The following CNTNAP2 variants were observed in gnomAD, a reference collection of about 807,000 sequenced individuals.
CNTNAP2 encodes the protein contactin associated protein 2, also known as contactin-associated protein-like 2.
CNTNAP2 carries 98 observed loss-of-function variants against 155.2 expected under a neutral mutation model. That is an observed-to-expected ratio of 0.63 (90% CI 0.54 to 0.75). CNTNAP2 has a LOEUF of 0.75. CNTNAP2 is among the 30% of genes least tolerant of loss of function. The pLI is 0.00. For synonymous variants in CNTNAP2, 651 were observed against 631.2 expected (o/e 1.03, Z -0.47); for missense variants, 1,727 against 1,688.1 (o/e 1.02, Z -0.40).
At chr7:148,009,376 A>C (rs2116903225) in intron 15 of CNTNAP2, among the ~76,000 whole-genome samples, 1 of 152,336 alleles carries the variant, frequency 6.6e-6, no homozygotes, top group Non-Finnish European at 1.5e-5. Context: ...ACCTTCCTAA[A>C]GTACAACAAT....
chr7:146,823,832 T>C (rs192478187), intron 2 of CNTNAP2, among the ~76,000 whole-genome samples: 4 of 152,188 alleles, frequency 2.6e-5, no homozygotes, highest in Admixed American at 6.6e-5. Context: ...TGTTGAGATT[T>C]ATAACTTGGA....
intron 1 of CNTNAP2, among the ~76,000 whole-genome samples, chr7:146,485,841 C>T (rs757962100): frequency 2.0e-5 from 3 of 152,066 alleles, no homozygotes; most frequent in African/African-American, 2.4e-5. Context: ...AACCTGCACA[C>T]GTACCCCAAA....
chr7:148,076,422 CTTTTTTTTT>C (rs771048326), intron 15 of CNTNAP2, among the ~76,000 whole-genome samples: 783 of 49,726 alleles, frequency 0.016, 2 homozygotes, highest in Non-Finnish European at 0.022. Flanking sequence ...GCTCTGACTT[CTTTTTTTTT>C]TTTTTTTTTT....
intron 22 of CNTNAP2, among the ~76,000 whole-genome samples, chr7:148,385,934 G>A (rs1799183666): frequency 6.6e-6 from 1 of 152,022 alleles, no homozygotes; most frequent in Non-Finnish European, 1.5e-5. Flanking sequence ...TCACCATGTT[G>A]GCCAAACTGG....
chr7:146,678,799 TA>T (rs1226344198), intron 1 of CNTNAP2, among the ~76,000 whole-genome samples: 1 of 152,216 alleles, frequency 6.6e-6, no homozygotes, highest in Non-Finnish European at 1.5e-5. Flanking sequence ...TAAAATAGAC[TA>T]TTTGAATATT....
intron 1 of CNTNAP2, among the ~76,000 whole-genome samples, chr7:146,200,284 A>C (rs1406305181): frequency 6.6e-6 from 1 of 152,014 alleles, no homozygotes; most frequent in East Asian, 1.9e-4. Flanking sequence ...TCACGATGTC[A>C]AGAGATCGAA....
intron 1 of CNTNAP2, among the ~76,000 whole-genome samples, chr7:146,482,378 A>ATATG (rs922608130): frequency 1.4e-5 from 2 of 147,504 alleles, no homozygotes; most frequent in African/African-American, 5.3e-5. Flanking sequence ...AGAGGGATAT[A>ATATG]TATGTATGTG....
chr7:147,741,594 TA>T (rs1281301452), intron 13 of CNTNAP2, among the ~76,000 whole-genome samples: 1 of 152,206 alleles, frequency 6.6e-6, no homozygotes, highest in African/African-American at 2.4e-5. Context: ...CATACTTTTG[TA>T]TTAAGTTGTG....
At position 148,380,920 on chromosome 7, in the gene CNTNAP2, G is replaced by A. The variant is rs139432659; in HGVS notation, c.3476-2729G>A. Among the ~76,000 whole-genome samples the A allele has an allele frequency of 5.7e-3, 864 of 152,352 alleles. 3 individuals are homozygous for A. Among genetic ancestry groups the A allele is most frequent in the Non-Finnish European group, 9.2e-3 (628 of 68,042 alleles). On this transcript the variant is annotated intron_variant, in intron 21 of 23. Coordinates refer to ENST00000361727, the MANE Select transcript of CNTNAP2 (RefSeq NM_014141.6). ...CAGCCCACAGCTTTCAACTCCTCATGGGAGGAAGCACGCATGTGAATGAGG... is the reference window on the plus strand; with the variant it reads ...CAGCCCACAGCTTTCAACTCCTCATAGGAGGAAGCACGCATGTGAATGAGG...
chr7:146,965,989 T>A (rs1431643382), intron 3 of CNTNAP2, among the ~76,000 whole-genome samples: 1 of 152,236 alleles, frequency 6.6e-6, no homozygotes, highest in Non-Finnish European at 1.5e-5. Flanking sequence ...TCTCTCATGT[T>A]CTGCTTCTCT....
chr7:148,130,245 C>A (rs575075345), intron 16 of CNTNAP2, among the ~76,000 whole-genome samples: 2 of 152,360 alleles, frequency 1.3e-5, no homozygotes, highest in East Asian at 1.9e-4. Context: ...TAGAACACTG[C>A]ATTTTTAATA....
At chr7:147,609,095 T>C (rs2116873661) in intron 12 of CNTNAP2, among the ~76,000 whole-genome samples, 1 of 152,320 alleles carries the variant, frequency 6.6e-6, no homozygotes, top group African/African-American at 2.4e-5. Context: ...CTCAGAGGCC[T>C]GACAGGCATA....
intron 2 of CNTNAP2, among the ~76,000 whole-genome samples, chr7:146,806,261 G>T (rs944916734): frequency 6.6e-6 from 1 of 151,992 alleles, no homozygotes; most frequent in Non-Finnish European, 1.5e-5. Flanking sequence ...GGCAGCTGAG[G>T]TGGGTGGATC....
chr7:147,706,593 T>C (rs900867411), intron 13 of CNTNAP2, among the ~76,000 whole-genome samples: 3 of 152,228 alleles, frequency 2.0e-5, no homozygotes, highest in Admixed American at 6.5e-5. Context: ...AGTTTGACTA[T>C]AATGTGCTGT....
At chr7:147,366,781 G>GCACA (rs71182194) in intron 9 of CNTNAP2, among the ~76,000 whole-genome samples, 3,538 of 105,890 alleles carry the variant, frequency 0.033, 86 homozygotes, top group African/African-American at 0.067. Flanking sequence ...TTTGTTGCAC[G>GCACA]CACACACACA....
chr7:147,536,428 A>G (rs1189514613), intron 11 of CNTNAP2, among the ~76,000 whole-genome samples: 1 of 152,136 alleles, frequency 6.6e-6, no homozygotes. Flanking sequence ...AGAAAAACAA[A>G]CAAGAACTTC....
At chr7:146,403,670 G>A (rs960708817) in intron 1 of CNTNAP2, among the ~76,000 whole-genome samples, 3 of 152,116 alleles carry the variant, frequency 2.0e-5, no homozygotes, top group Non-Finnish European at 2.9e-5. Context: ...CACATAATAA[G>A]AGCCCAAATG....
At chr7:146,620,524 C>T (rs1245832001) in intron 1 of CNTNAP2, among the ~76,000 whole-genome samples, 1 of 152,088 alleles carries the variant, frequency 6.6e-6, no homozygotes, top group East Asian at 1.9e-4. Flanking sequence ...GCCAAGGAGA[C>T]TAATGGTGGA....
At chr7:146,487,067 G>T (rs1390172554) in intron 1 of CNTNAP2, among the ~76,000 whole-genome samples, 2 of 152,158 alleles carry the variant, frequency 1.3e-5, no homozygotes, top group Admixed American at 1.3e-4. Flanking sequence ...TTTCTTTAGA[G>T]AATGAGATTC....
Sources: gnomAD v4.1 joint callset for allele counts (sites outside exome capture counted in the v4.1 genomes callset) on GRCh38, gnomAD v4.1.1 for gene constraint, MANE v1.5 for transcripts, NCBI Gene and HGNC (gene_info 2026-07-23, HGNC 2026-07-21) for gene names.